Variants in FHIT observed in about 807,000 individuals in gnomAD.
The protein encoded by FHIT is fragile histidine triad diadenosine triphosphatase.
A neutral mutation model predicts 17.9 loss-of-function variants in FHIT; 19 were observed. The observed-to-expected ratio is 1.06, with a 90% CI of 0.74 to 1.56. The LOEUF is 1.56. Ranked by LOEUF, FHIT falls within the 40% of genes most tolerant of loss-of-function variation. FHIT has a pLI of 0.00. For synonymous variants in FHIT, 81 were observed against 69.7 expected, an observed-to-expected ratio of 1.16 and a Z score of -0.81; for missense variants, 248 against 189.2, an observed-to-expected ratio of 1.31 and a Z score of -1.82.
chr3:60,442,854 T>C (rs1191831735), intron 5 of FHIT, among the ~76,000 whole-genome samples: 3 of 152,168 alleles, frequency 2.0e-5, no homozygotes, highest in African/African-American at 7.2e-5. Context: ...ATCTGTAAAT[T>C]ACCTTGGGCA....
In FHIT at chr3:60,158,324, CTTTTT is replaced by C. The variant is rs796776481; in HGVS notation, c.104-144177_104-144173del. ...CAAGACTATTTCATAATTTCTCTCT[CTTTTT>C]TTTTTTTGAGACAGAATCTCTGCCC... On this transcript the variant is annotated intron_variant, in intron 5 of 9. Transcript: ENST00000492590. 2.7e-5 allele frequency among the ~76,000 whole-genome samples: 4 copies of C among 146,730 alleles called. No individual in the cohort carries two copies. In the East Asian group the frequency reaches 8.0e-4, roughly 29 times the overall value.
chr3:60,684,653 T>C (rs908567760), intron 4 of FHIT, among the ~76,000 whole-genome samples: 2 of 151,992 alleles, frequency 1.3e-5, no homozygotes, highest in Non-Finnish European at 2.9e-5. Flanking sequence ...GTGCCACCCC[T>C]TTACAAATTC....
intron 5 of FHIT, among the ~76,000 whole-genome samples, chr3:60,086,130 G>C (rs1703482756): frequency 6.6e-6 from 1 of 152,166 alleles, no homozygotes; most frequent in Admixed American, 6.5e-5. Flanking sequence ...CATGGTGAGA[G>C]AGGAAGCAAG....
intron 2 of FHIT, among the ~76,000 whole-genome samples, chr3:61,104,668 A>G (rs1010435436): frequency 7.9e-5 from 12 of 152,158 alleles, no homozygotes; most frequent in Non-Finnish European, 1.3e-4. Context: ...ATGTTTTCCA[A>G]ATTGGTTCCA....
chr3:60,939,334 G>A (rs1708317617), intron 3 of FHIT, among the ~76,000 whole-genome samples: 1 of 152,136 alleles, frequency 6.6e-6, no homozygotes, highest in Non-Finnish European at 1.5e-5. Context: ...TGCATATACT[G>A]TCTAAGGTTG....
chr3:60,073,516 A>T (rs548616055), intron 5 of FHIT, among the ~76,000 whole-genome samples: 1 of 151,982 alleles, frequency 6.6e-6, no homozygotes, highest in Non-Finnish European at 1.5e-5. Context: ...GCTCTCTCTC[A>T]TTTCAAAACC....
At chr3:59,904,749 A>C (rs1351205672) in intron 8 of FHIT, among the ~76,000 whole-genome samples, 3 of 152,200 alleles carry the variant, frequency 2.0e-5, no homozygotes, top group African/African-American at 7.2e-5. Context: ...TGAGTGACGA[A>C]AACAGTTTTT....
chr3:60,682,792 A>C (rs1268872776), intron 4 of FHIT, among the ~76,000 whole-genome samples: 1 of 152,234 alleles, frequency 6.6e-6, no homozygotes, highest in African/African-American at 2.4e-5. Context: ...TTGTAAGACT[A>C]TACATAGTGA....
chr3:59,954,802 T>C (rs886910278), intron 7 of FHIT, among the ~76,000 whole-genome samples: 1 of 152,188 alleles, frequency 6.6e-6, no homozygotes, highest in Non-Finnish European at 1.5e-5. Flanking sequence ...AGATGGTTTA[T>C]TCCAACTGGT....
intron 3 of FHIT, among the ~76,000 whole-genome samples, chr3:61,036,222 C>A (rs2107677573): frequency 6.6e-6 from 1 of 152,158 alleles, no homozygotes; most frequent in East Asian, 1.9e-4. Context: ...GTGGTAGGTT[C>A]CACACACCTT....
intron 7 of FHIT, among the ~76,000 whole-genome samples, chr3:59,994,357 C>G (rs1292518136): frequency 1.3e-5 from 2 of 152,088 alleles, no homozygotes; most frequent in Admixed American, 1.3e-4. Flanking sequence ...AATACTCAAT[C>G]CATCTGCAGA....
chr3:59,775,484 G>A (rs1477287349), intron 8 of FHIT, among the ~76,000 whole-genome samples: 11 of 152,120 alleles, frequency 7.2e-5, no homozygotes, highest in Non-Finnish European at 1.5e-4. Context: ...ATCCATTCCC[G>A]AGTTTAACAG....
chr3:59,869,996 A>G (rs1040476008), intron 8 of FHIT, among the ~76,000 whole-genome samples: 2 of 152,228 alleles, frequency 1.3e-5, no homozygotes, highest in African/African-American at 4.8e-5. Flanking sequence ...TCTTGGCATC[A>G]GCTATATTAT....
chr3:60,947,851 TC>T (rs1307501733), intron 3 of FHIT, among the ~76,000 whole-genome samples: 1 of 152,216 alleles, frequency 6.6e-6, no homozygotes, highest in Non-Finnish European at 1.5e-5. Context: ...TCTAGATATT[TC>T]TTGACATTGC....
chr3:61,091,599 A>G (rs1432931373), intron 2 of FHIT, among the ~76,000 whole-genome samples: 1 of 152,098 alleles, frequency 6.6e-6, no homozygotes, highest in Non-Finnish European at 1.5e-5. Context: ...AAAGAGATCT[A>G]CTGCAAGTAT....
At position 61,200,601 on chromosome 3, in the gene FHIT, T is replaced by C. The variant is rs1033505119; in HGVS notation, c.-164+16A>G. On this transcript the variant is annotated intron_variant, in intron 2 of 9. Coordinates refer to ENST00000492590, the MANE Select transcript of FHIT (RefSeq NM_002012.4). The stretch of plus-strand genomic sequence containing the variant: ...AAAGGCAATGTTTGTCAAGGCCATG[T>C]AATAAATACACTTACCTTTACAGAC... 6.6e-6 allele frequency: 1 copy of C among 152,656 alleles called. No homozygotes were observed. Among genetic ancestry groups the C allele is most frequent in the Non-Finnish European group, 1.5e-5 (1 of 68,038 alleles). 9.5% of individuals were successfully genotyped at this position (152,656 alleles called of 1,614,324 possible). A position where few individuals can be genotyped will look rare whatever the true frequency, so the allele number is the denominator to read the frequency against.
At chr3:60,947,354 G>T (rs1414565701) in intron 3 of FHIT, among the ~76,000 whole-genome samples, 1 of 152,080 alleles carries the variant, frequency 6.6e-6, no homozygotes, top group Non-Finnish European at 1.5e-5. Context: ...GGTATTAATA[G>T]ACTATGACTA....
intron 5 of FHIT, among the ~76,000 whole-genome samples, chr3:60,452,294 T>C (rs769844779): frequency 6.6e-6 from 1 of 152,156 alleles, no homozygotes; most frequent in Non-Finnish European, 1.5e-5. Context: ...GCGATTCATA[T>C]GCTTTATCTC....
chr3:60,508,040 A>C (rs571047119), intron 5 of FHIT, among the ~76,000 whole-genome samples: 12 of 152,292 alleles, frequency 7.9e-5, no homozygotes, highest in Admixed American at 7.8e-4. Context: ...GGGATAAAGT[A>C]AGGAGTTCTT....
Sources: gnomAD v4.1 joint callset for allele counts (sites outside exome capture counted in the v4.1 genomes callset) on GRCh38, gnomAD v4.1.1 for gene constraint, MANE v1.5 for transcripts, NCBI Gene and HGNC (gene_info 2026-07-23, HGNC 2026-07-21) for gene names.